Variants in ZPLD1 observed in about 807,000 individuals in gnomAD.
ZPLD1 encodes the protein zona pellucida-like domain-containing protein 1.
In ZPLD1, 34 loss-of-function variants were observed where a neutral mutation model predicts 47.2. That is an observed-to-expected ratio of 0.72 (90% CI 0.55 to 0.96). ZPLD1 has a LOEUF of 0.96. Ranked by LOEUF, ZPLD1 falls within the 40% of genes least tolerant of loss-of-function variation. The probability of loss-of-function intolerance (pLI) is 0.00; values close to 1 mark genes in which losing one functional copy is unlikely to be tolerated. For missense variants in ZPLD1, 512 were observed against 505.8 expected (o/e 1.01, Z -0.12); for synonymous variants, 176 against 186.2 (o/e 0.95, Z 0.45).
chr3:102,435,047 A>G lies in ZPLD1; in HGVS notation c.-230A>G, dbSNP rs371961916. 6.4e-7 allele frequency: 1 copy of G among 1,560,762 alleles called. No individual in the cohort carries two copies. On this transcript the variant is annotated 5_prime_UTR_variant, in exon 1 of 12. In the 5' UTR this introduces an upstream ATG that the reference lacks. Coordinates refer to ENST00000466937, the MANE Select transcript of ZPLD1 (RefSeq NM_001329788.2). ...TGTTAACATAATCCCCCAATCCCAT[A>G]CAATTCAATTTCAGAAAAGTATTTA...
intron 7 of ZPLD1, among the ~76,000 whole-genome samples, chr3:102,417,711 A>G (rs562243824): frequency 9.9e-5 from 15 of 152,036 alleles, no homozygotes; most frequent in African/African-American, 2.9e-4. Context: ...ACGAAGCACA[A>G]CAGGACATTG....
chr3:102,440,762 C>A (rs1707164966), intron 3 of ZPLD1, among the ~76,000 whole-genome samples: 2 of 146,558 alleles, frequency 1.4e-5, no homozygotes. Flanking sequence ...AAAGGAGCAA[C>A]CTGAGCCAGG....
At chr3:102,475,427 A>G (rs747173381) in intron 10 of ZPLD1, among the ~76,000 whole-genome samples, 1 of 152,188 alleles carries the variant, frequency 6.6e-6, no homozygotes, top group Non-Finnish European at 1.5e-5. Flanking sequence ...GGAACTTTCT[A>G]TTTTTTAGTT....
At chr3:102,389,448 G>C (rs1706471817) in intron 6 of ZPLD1, among the ~76,000 whole-genome samples, 1 of 152,086 alleles carries the variant, frequency 6.6e-6, no homozygotes, top group African/African-American at 2.4e-5. Context: ...GTATGTATTT[G>C]CCATGCACAG....
At chr3:102,474,842 T>A (rs927427854) in intron 10 of ZPLD1, among the ~76,000 whole-genome samples, 1 of 152,116 alleles carries the variant, frequency 6.6e-6, no homozygotes, top group Non-Finnish European at 1.5e-5. Flanking sequence ...CAGTTCTAAT[T>A]CCAGAAGGCT....
intron 7 of ZPLD1, among the ~76,000 whole-genome samples, chr3:102,392,978 T>A (rs1174841922): frequency 6.6e-6 from 1 of 152,192 alleles, no homozygotes; most frequent in Non-Finnish European, 1.5e-5. Context: ...TTTCTTGATA[T>A]CTGTTTACAT....
chr3:102,405,070 A>G (rs922341564), intron 7 of ZPLD1, among the ~76,000 whole-genome samples: 1 of 152,022 alleles, frequency 6.6e-6, no homozygotes, highest in African/African-American at 2.4e-5. Flanking sequence ...ATTATGATTA[A>G]TAGATGACTA....
chr3:102,394,365 G>T (rs1706534219), intron 7 of ZPLD1, among the ~76,000 whole-genome samples: 1 of 152,084 alleles, frequency 6.6e-6, no homozygotes, highest in Admixed American at 6.6e-5. Context: ...AAATATTTTT[G>T]ATTGCTAATT....
chr3:102,410,870 C>T (rs1706741267), intron 7 of ZPLD1, among the ~76,000 whole-genome samples: 1 of 151,688 alleles, frequency 6.6e-6, no homozygotes. Context: ...GAATGGTGGT[C>T]AGATAAAAAT....
intron 11 of ZPLD1, 127 bp downstream of exon 11, chr3:102,477,168 AG>A: frequency 9.3e-7 from 1 of 1,077,326 alleles, no homozygotes. Context: ...CAGTTCACTG[AG>A]GGTTTTCAAA....
At chr3:102,452,855 G>GT (rs1354693599) in intron 3 of ZPLD1, 64 bp from the exon 4 acceptor site, 1 of 1,537,106 alleles carries the variant, frequency 6.5e-7, no homozygotes, top group African/African-American at 1.4e-5. Flanking sequence ...TCAGTAGGAT[G>GT]TTAATGTTAT....
At chr3:102,397,749 G>C (rs1706574371) in intron 7 of ZPLD1, among the ~76,000 whole-genome samples, 1 of 152,068 alleles carries the variant, frequency 6.6e-6, no homozygotes, top group Admixed American at 6.6e-5. Flanking sequence ...TCCCTGTTCT[G>C]AATATACACT....
intron 7 of ZPLD1, among the ~76,000 whole-genome samples, chr3:102,402,614 G>T (rs1706634609): frequency 6.6e-6 from 1 of 151,946 alleles, no homozygotes; most frequent in Non-Finnish European, 1.5e-5. Context: ...AACATTGCAG[G>T]CCTAAAAATC....
chr3:102,419,238 G>T (rs1706846779), intron 8 of ZPLD1, among the ~76,000 whole-genome samples: 1 of 151,780 alleles, frequency 6.6e-6, no homozygotes, highest in African/African-American at 2.4e-5. Flanking sequence ...TCATTTTTCA[G>T]TCACTAGCTT....
chr3:102,477,382 G>T, intron 11 of ZPLD1, 61 bp from the exon 12 acceptor site: 1 of 1,542,472 alleles, frequency 6.5e-7, no homozygotes, highest in African/African-American at 1.4e-5. Context: ...GTAAAATTGG[G>T]TCAAGGTGAG....
chr3:102,467,973 C>A (rs183668282), intron 8 of ZPLD1, among the ~76,000 whole-genome samples: 1 of 151,620 alleles, frequency 6.6e-6, no homozygotes, highest in South Asian at 2.1e-4. Flanking sequence ...TCATAAGAAT[C>A]AGAAAGAAAA....
intron 6 of ZPLD1, among the ~76,000 whole-genome samples, chr3:102,387,476 T>C (rs1190519103): frequency 6.6e-6 from 1 of 152,196 alleles, no homozygotes; most frequent in Non-Finnish European, 1.5e-5. Flanking sequence ...GTATTTTTTC[T>C]TGACTTTCTT....
chr3:102,402,440 T>C (rs1191890231), intron 7 of ZPLD1, among the ~76,000 whole-genome samples: 1 of 152,060 alleles, frequency 6.6e-6, no homozygotes, highest in South Asian at 2.1e-4. Context: ...AGTATTGATA[T>C]ATCAGTAATT....
At chr3:102,446,392 A>T (rs1386760418) in intron 3 of ZPLD1, among the ~76,000 whole-genome samples, 1 of 152,186 alleles carries the variant, frequency 6.6e-6, no homozygotes, top group Non-Finnish European at 1.5e-5. Flanking sequence ...GAATACTCTC[A>T]TTGGTAATTT....
Sources: allele counts gnomAD v4.1 joint callset (sites outside exome capture counted in the v4.1 genomes callset), GRCh38; gene constraint gnomAD v4.1.1; transcripts MANE v1.5; gene names NCBI Gene and HGNC (gene_info 2026-07-23, HGNC 2026-07-21).